The following SYNPR variants were observed in gnomAD, a reference collection of about 807,000 sequenced individuals.
SYNPR encodes synaptoporin.
Under a neutral mutation model 32.9 loss-of-function variants are expected in SYNPR, and 23 were observed. That is an observed-to-expected ratio of 0.70 (90% CI 0.50 to 0.99). The LOEUF (loss-of-function observed/expected upper bound fraction) is 0.99. Among genes scored for constraint, SYNPR ranks in the 50% least tolerant of loss-of-function variants. The pLI is 0.00. For missense variants in SYNPR, 318 were observed against 349.3 expected, an observed-to-expected ratio of 0.91 and a Z score of 0.71; for synonymous variants, 146 against 135.9, an observed-to-expected ratio of 1.07 and a Z score of -0.52.
chr3:63,234,676 G>T (rs943587973), intron 1 of SYNPR, among the ~76,000 whole-genome samples: 1 of 152,138 alleles, frequency 6.6e-6, no homozygotes, highest in Non-Finnish European at 1.5e-5. Flanking sequence ...GCTCCAAAAT[G>T]TATTTTTCAA....
chr3:63,280,141 C>A (rs964779060), intron 2 of SYNPR, among the ~76,000 whole-genome samples: 2 of 152,160 alleles, frequency 1.3e-5, no homozygotes, highest in African/African-American at 4.8e-5. Flanking sequence ...ACATCATTTT[C>A]TGACATAATC....
intron 2 of SYNPR, among the ~76,000 whole-genome samples, chr3:63,404,612 C>T (rs1441071952): frequency 1.3e-5 from 2 of 152,092 alleles, no homozygotes; most frequent in African/African-American, 4.8e-5. Flanking sequence ...TTTTTATTCA[C>T]TACAGAGACC....
chr3:63,511,616 C>T (rs938205315), intron 3 of SYNPR, among the ~76,000 whole-genome samples: 13 of 152,082 alleles, frequency 8.5e-5, no homozygotes, highest in African/African-American at 3.1e-4. Context: ...CCTACAAAGG[C>T]GAGCCAGTAA....
intron 3 of SYNPR, among the ~76,000 whole-genome samples, chr3:63,547,462 A>T (rs1031580631): frequency 1.3e-5 from 2 of 152,098 alleles, no homozygotes; most frequent in South Asian, 4.1e-4. Flanking sequence ...CCACATTTTG[A>T]GGACAGCGTA....
intron 3 of SYNPR, among the ~76,000 whole-genome samples, chr3:63,546,023 T>TTTTTGTTTCACAATTCAC (rs1702395815): frequency 6.6e-6 from 1 of 152,036 alleles, no homozygotes; most frequent in African/African-American, 2.4e-5. Context: ...TCTAGGACTG[T>TTTTTGTTTCACAATTCAC]TTTTGTTTCA....
At chr3:63,450,161 A>T (rs112495655) in intron 2 of SYNPR, among the ~76,000 whole-genome samples, 2 of 152,146 alleles carry the variant, frequency 1.3e-5, no homozygotes, top group African/African-American at 2.4e-5. Flanking sequence ...GCCCACATAC[A>T]TTCTTAGAGT....
chr3:63,555,862 C>T (rs1319386001), intron 3 of SYNPR, among the ~76,000 whole-genome samples: 1 of 152,134 alleles, frequency 6.6e-6, no homozygotes, highest in African/African-American at 2.4e-5. Flanking sequence ...ATTACCAAGA[C>T]AGCTTTATCT....
chr3:63,370,227 G>A (rs1336113462), intron 2 of SYNPR, among the ~76,000 whole-genome samples: 2 of 152,150 alleles, frequency 1.3e-5, no homozygotes, highest in Non-Finnish European at 2.9e-5. Context: ...CCCTAGGGGA[G>A]GCAGTTCTCT....
chr3:63,511,206 C>A (rs138515452), intron 3 of SYNPR, among the ~76,000 whole-genome samples: 1 of 152,138 alleles, frequency 6.6e-6, no homozygotes, highest in African/African-American at 2.4e-5. Flanking sequence ...CTCCTGCTCA[C>A]GGGCTGGGGT....
At chr3:63,598,332 G>A (rs1433063708) in intron 4 of SYNPR, among the ~76,000 whole-genome samples, 1 of 152,086 alleles carries the variant, frequency 6.6e-6, no homozygotes, top group Non-Finnish European at 1.5e-5. Context: ...CAGACACCAA[G>A]ATTCATACTA....
intron 2 of SYNPR, among the ~76,000 whole-genome samples, chr3:63,412,036 G>A (rs1248583461): frequency 1.3e-5 from 2 of 152,082 alleles, no homozygotes; most frequent in Non-Finnish European, 1.5e-5. Context: ...TACAGAACTG[G>A]CAGGAGAGAT....
intron 2 of SYNPR, among the ~76,000 whole-genome samples, chr3:63,265,893 T>C (rs2086481881): frequency 6.6e-6 from 1 of 152,212 alleles, no homozygotes; most frequent in Non-Finnish European, 1.5e-5. Context: ...TTTAGACATA[T>C]AGTCCATGTC....
At chr3:63,442,197 A>AAG (rs201538931) in intron 2 of SYNPR, among the ~76,000 whole-genome samples, 1 of 137,420 alleles carries the variant, frequency 7.3e-6, no homozygotes, top group Non-Finnish European at 1.5e-5. Flanking sequence ...GCACGCATGA[A>AAG]AGAGAGAGAG....
At chr3:63,370,327 C>A (rs573036659) in intron 2 of SYNPR, among the ~76,000 whole-genome samples, 1 of 152,292 alleles carries the variant, frequency 6.6e-6, no homozygotes, top group Admixed American at 6.5e-5. Context: ...GAAAATCAGG[C>A]CCTTGAGACT....
chr3:63,299,214 G>A (rs866686334), intron 2 of SYNPR, among the ~76,000 whole-genome samples: 4 of 152,132 alleles, frequency 2.6e-5, no homozygotes, highest in African/African-American at 9.7e-5. Context: ...AAGGAGTTAA[G>A]TTAGGTTTCA....
intron 2 of SYNPR, among the ~76,000 whole-genome samples, chr3:63,255,055 C>A (rs911308969): frequency 1.3e-5 from 2 of 152,144 alleles, no homozygotes; most frequent in Non-Finnish European, 2.9e-5. Context: ...GATCACCAGT[C>A]CATGGTACTT....
intron 2 of SYNPR, among the ~76,000 whole-genome samples, chr3:63,363,925 G>A (rs114398460): frequency 6.6e-6 from 1 of 152,106 alleles, no homozygotes; most frequent in African/African-American, 2.4e-5. Flanking sequence ...ATGATAATGA[G>A]GAAGAATATT....
chr3:63,445,430 C>A, intron 2 of SYNPR: 1 of 614,904 alleles, frequency 1.6e-6, no homozygotes, highest in Non-Finnish European at 2.9e-6. Flanking sequence ...TCCATAATAT[C>A]ATAACCAGAA....
At chr3:63,278,820 C>A in intron 2 of SYNPR, 78 bp downstream of exon 2, 2 of 1,399,784 alleles carry the variant, frequency 1.4e-6, no homozygotes, top group Admixed American at 2.0e-5. Flanking sequence ...GGGGTGCTCC[C>A]TGCTCAGTTC....
Sources: gnomAD v4.1 joint callset for allele counts (sites outside exome capture counted in the v4.1 genomes callset) on GRCh38, gnomAD v4.1.1 for gene constraint, MANE v1.5 for transcripts, NCBI Gene and HGNC (gene_info 2026-07-23, HGNC 2026-07-21) for gene names.